Variants in CIBAR2 observed in about 807,000 individuals in gnomAD.
CIBAR2 encodes CBY1 interacting BAR domain containing 2.
In CIBAR2, 38 loss-of-function variants were observed where a neutral mutation model predicts 36.2. The ratio of observed to expected loss-of-function variants is 1.05; its 90% CI spans 0.81 to 1.38. CIBAR2 has a LOEUF of 1.38. CIBAR2 is among the 40% of genes most tolerant of loss of function. The probability of loss-of-function intolerance (pLI) is 0.00; values close to 1 mark genes in which losing one functional copy is unlikely to be tolerated. For missense variants in CIBAR2, 481 were observed against 383.4 expected (o/e 1.25, Z -2.13); for synonymous variants, 182 against 149.5 (o/e 1.22, Z -1.58).
At position 85,102,317 on chromosome 16, in the gene CIBAR2, CA is replaced by C. The variant is rs768027256; in HGVS notation, c.547del (p.Cys183ValfsTer4). ...QKLKDLQKFF[C>X]DFVTIEMVFH... ...AACCATCTCAATAGTTACAAAGTCA[CA>C]AAAAAATTTCTGTGGGGAGAGAAAC... On this transcript the variant is annotated frameshift_variant, in exon 7 of 9. Coordinates refer to ENST00000539556, the MANE Select transcript of CIBAR2 (RefSeq NM_198491.3). LOFTEE classifies it high-confidence loss of function. The C allele has an allele frequency of 3.4e-5, 54 of 1,608,194 alleles. No individual in the cohort carries two copies. Among genetic ancestry groups the C allele is most frequent in the Non-Finnish European group, 4.4e-5 (52 of 1,175,184 alleles).
intron 7 of CIBAR2, among the ~76,000 whole-genome samples, chr16:85,101,671 G>GT (rs1396470436): frequency 2.8e-4 from 32 of 115,928 alleles, no homozygotes; most frequent in African/African-American, 5.7e-4. Context: ...GTGTTTTTTT[G>GT]TTTTTGTTTT....
chr16:85,104,971 T>C (rs1264244428), intron 6 of CIBAR2, among the ~76,000 whole-genome samples: 1 of 152,038 alleles, frequency 6.6e-6, no homozygotes, highest in African/African-American at 2.4e-5. Flanking sequence ...GGAGGGGGTT[T>C]AGAGCTGTGA....
At chr16:85,102,819 ATTCTC>A (rs1342063235) in intron 6 of CIBAR2, among the ~76,000 whole-genome samples, 13 of 151,526 alleles carry the variant, frequency 8.6e-5, no homozygotes, top group Admixed American at 6.6e-5. Flanking sequence ...ATAAGCCAGT[ATTCTC>A]TTCTCTTCTC....
chr16:85,101,463 C>T (rs72807603), intron 7 of CIBAR2, among the ~76,000 whole-genome samples: 38,810 of 151,892 alleles, frequency 0.26, 5,166 homozygotes, highest in Middle Eastern at 0.32. Context: ...GCCCCATCAA[C>T]CCCAGACCCA....
At chr16:85,106,551 TG>T (rs1386317247) in intron 5 of CIBAR2, among the ~76,000 whole-genome samples, 1 of 151,826 alleles carries the variant, frequency 6.6e-6, no homozygotes, top group African/African-American at 2.4e-5. Flanking sequence ...AGAGGGAAGG[TG>T]CAGGCTGCCA....
At chr16:85,100,329 A>T (rs1317352298) in intron 7 of CIBAR2, 89 bp from the exon 8 acceptor site, 6 of 755,992 alleles carry the variant, frequency 7.9e-6, no homozygotes, top group Non-Finnish European at 1.4e-5. Flanking sequence ...TGGGGACGAG[A>T]AGGCCCGAGA....
At position 85,108,119 on chromosome 16, in the gene CIBAR2, A is replaced by G. The variant is rs375225332; in HGVS notation, c.256-20T>C. 6.1e-5 allele frequency: 97 copies of G among 1,596,672 alleles called. 1 individual carries two copies. Among genetic ancestry groups the G allele is most frequent in the Non-Finnish European group, 8.2e-5 (96 of 1,172,070 alleles). ...CTCGACCTGGGGGAGCGGGGACACC[A>G]GGGGATCTGAGCGCAGGGTGCTGCC... On this transcript the variant is annotated intron_variant, in intron 2 of 8. Coordinates refer to ENST00000539556, the MANE Select transcript of CIBAR2 (RefSeq NM_198491.3).
chr16:85,107,161 G>A (rs1168060384), intron 5 of CIBAR2, among the ~76,000 whole-genome samples: 2 of 151,728 alleles, frequency 1.3e-5, no homozygotes, highest in Non-Finnish European at 2.9e-5. Context: ...AAAAAAGGGG[G>A]GGGGCACTCT....
chr16:85,108,701 C>T (rs996051043), intron 2 of CIBAR2, among the ~76,000 whole-genome samples: 19 of 152,098 alleles, frequency 1.2e-4, no homozygotes, highest in Admixed American at 2.0e-4. Flanking sequence ...GGTGAAACCC[C>T]GTCTCTACTA....
chr16:85,099,531 A>C (rs2144148964), intron 8 of CIBAR2, among the ~76,000 whole-genome samples, 185 bp from the exon 9 acceptor site: 1 of 152,106 alleles, frequency 6.6e-6, no homozygotes, highest in Non-Finnish European at 1.5e-5. Flanking sequence ...GCAATACCTC[A>C]GAGTGCCTCC....
intron 6 of CIBAR2, among the ~76,000 whole-genome samples, chr16:85,105,034 G>T (rs549680454): frequency 6.6e-6 from 1 of 152,354 alleles, no homozygotes; most frequent in Admixed American, 6.5e-5. Flanking sequence ...GGGAGTGTGT[G>T]TGGAGGCAGA....
chr16:85,108,911 T>G (rs764490907), intron 2 of CIBAR2, among the ~76,000 whole-genome samples: 2 of 151,988 alleles, frequency 1.3e-5, no homozygotes, highest in Non-Finnish European at 2.9e-5. Context: ...AAGCAGCCTC[T>G]TGCCAATTTT....
chr16:85,105,880 G>C (rs1252888030), intron 5 of CIBAR2, among the ~76,000 whole-genome samples: 6 of 152,210 alleles, frequency 3.9e-5, no homozygotes, highest in African/African-American at 1.2e-4. Flanking sequence ...CTTACTCCAT[G>C]CCAAGCCCAG....
intron 1 of CIBAR2, among the ~76,000 whole-genome samples, chr16:85,110,704 C>CTTTTTTTTTTTTTT (rs746973381): frequency 1.1e-5 from 1 of 93,898 alleles, no homozygotes; most frequent in African/African-American, 4.9e-5. Flanking sequence ...CAGACCTGGC[C>CTTTTTTTTTTTTTT]TTTTTTTTTT....
chr16:85,110,592 G>C (rs2074034357), intron 1 of CIBAR2, 132 bp from the exon 2 acceptor site: 3 of 621,452 alleles, frequency 4.8e-6, no homozygotes, highest in Non-Finnish European at 8.2e-6. Context: ...ACATGCCACA[G>C]GCTGTCACTC....
At chr16:85,110,074 G>A (rs1265060383) in intron 2 of CIBAR2, 152 bp downstream of exon 2, 1 of 573,664 alleles carries the variant, frequency 1.7e-6, no homozygotes, top group Non-Finnish European at 3.0e-6. Context: ...TGTGACCCTG[G>A]AAAGGGTGTA....
At chr16:85,110,029 A>G (rs2144177446) in intron 2 of CIBAR2, among the ~76,000 whole-genome samples, 197 bp downstream of exon 2, 1 of 152,240 alleles carries the variant, frequency 6.6e-6, no homozygotes, top group East Asian at 1.9e-4. Flanking sequence ...CCGACTCAGC[A>G]AAGCCTCCTA....
intron 7 of CIBAR2, among the ~76,000 whole-genome samples, chr16:85,100,778 T>C (rs1197394258): frequency 6.6e-6 from 1 of 152,192 alleles, no homozygotes; most frequent in Non-Finnish European, 1.5e-5. Flanking sequence ...CCGGGCGCGG[T>C]GGCTCACACC....
Position 85,098,670 on chromosome 16 carries a change from G to C in CIBAR2, c.*515C>G. 1.0e-6 allele frequency: 1 copy of C among 976,612 alleles called. No homozygotes were observed. The highest frequency in any genetic ancestry group is 1.2e-6 in the Non-Finnish European group (1 of 821,592). 60.5% of individuals were successfully genotyped at this position (976,612 alleles called of 1,614,324 possible). ...CTTCTTTTCCTGGGCTCCATATGGT[G>C]CTCTGAGCACTCTAAATAATAATAA... On this transcript the variant is annotated 3_prime_UTR_variant, in exon 9 of 9. Coordinates refer to ENST00000539556, the MANE Select transcript of CIBAR2 (RefSeq NM_198491.3).
Sources: gnomAD v4.1 joint callset for allele counts (sites outside exome capture counted in the v4.1 genomes callset) on GRCh38, gnomAD v4.1.1 for gene constraint, MANE v1.5 for transcripts, NCBI Gene and HGNC (gene_info 2026-07-23, HGNC 2026-07-21) for gene names.